The following KIAA1217 variants were observed in gnomAD, a reference collection of about 807,000 sequenced individuals.
The protein encoded by KIAA1217 is sickle tail protein homolog.
KIAA1217 carries 88 observed loss-of-function variants against 163.9 expected under a neutral mutation model. The ratio of observed to expected loss-of-function variants is 0.54; its 90% CI spans 0.45 to 0.64. KIAA1217 has a LOEUF of 0.64. Among genes scored for constraint, KIAA1217 ranks in the 30% least tolerant of loss-of-function variants. KIAA1217 has a pLI of 0.00. For missense variants in KIAA1217, 2,372 were observed against 2,475.0 expected (o/e 0.96, Z 0.88); for synonymous variants, 903 against 923.1 (o/e 0.98, Z 0.39).
At chr10:24,179,207 G>T (rs1376410429) in intron 2 of KIAA1217, among the ~76,000 whole-genome samples, 1 of 152,120 alleles carries the variant, frequency 6.6e-6, no homozygotes, top group Non-Finnish European at 1.5e-5. Context: ...CAAAGTAAAA[G>T]GCTTTTGGGC....
intron 3 of KIAA1217, among the ~76,000 whole-genome samples, chr10:24,391,245 A>C (rs909132568): frequency 6.6e-6 from 1 of 151,502 alleles, no homozygotes; most frequent in African/African-American, 2.4e-5. Context: ...AGGGACTTTC[A>C]GTGATCAGGG....
At chr10:23,765,367 G>A (rs980818593) in intron 1 of KIAA1217, among the ~76,000 whole-genome samples, 3 of 151,646 alleles carry the variant, frequency 2.0e-5, no homozygotes, top group African/African-American at 7.3e-5. Context: ...TAGAGACGGG[G>A]TTTCACCGTG....
At chr10:23,709,521 C>A (rs762439066) in intron 1 of KIAA1217, among the ~76,000 whole-genome samples, 1 of 151,294 alleles carries the variant, frequency 6.6e-6, no homozygotes, top group Non-Finnish European at 1.5e-5. Context: ...AAAGCAATAC[C>A]CTGTCTCCAA....
intron 14 of KIAA1217, among the ~76,000 whole-genome samples, chr10:24,529,110 A>C (rs2072699680): frequency 6.6e-6 from 1 of 152,192 alleles, no homozygotes; most frequent in Non-Finnish European, 1.5e-5. Context: ...ATTAATTTGG[A>C]AAGGAATCCC....
At chr10:23,748,680 G>T (rs1839560716) in intron 1 of KIAA1217, among the ~76,000 whole-genome samples, 1 of 151,968 alleles carries the variant, frequency 6.6e-6, no homozygotes, top group South Asian at 2.1e-4. Context: ...TCAGTAGTTG[G>T]GGTTGAGACC....
intron 1 of KIAA1217, among the ~76,000 whole-genome samples, chr10:23,696,251 G>A (rs1836030746): frequency 6.6e-6 from 1 of 152,216 alleles, no homozygotes; most frequent in Non-Finnish European, 1.5e-5. Context: ...GCCCTGCAGA[G>A]GGCAGGCGAG....
intron 2 of KIAA1217, chr10:24,275,889 C>A (rs1028170653): frequency 2.7e-5 from 12 of 438,220 alleles, no homozygotes; most frequent in Non-Finnish European, 2.8e-5. Context: ...GCCATCAGTT[C>A]TCCCTTCTGG....
chr10:23,853,837 A>G (rs1839496199), intron 1 of KIAA1217, among the ~76,000 whole-genome samples: 1 of 152,046 alleles, frequency 6.6e-6, no homozygotes, highest in East Asian at 1.9e-4. Flanking sequence ...GGTAGTTTGT[A>G]TTTCTGTGGG....
chr10:24,124,781 T>C (rs976082434), intron 2 of KIAA1217, among the ~76,000 whole-genome samples: 2 of 152,220 alleles, frequency 1.3e-5, no homozygotes, highest in African/African-American at 4.8e-5. Flanking sequence ...AAAACTCTAC[T>C]TGATCCCAGT....
intron 2 of KIAA1217, among the ~76,000 whole-genome samples, chr10:24,079,964 G>A (rs1252069601): frequency 1.3e-5 from 2 of 152,116 alleles, no homozygotes; most frequent in African/African-American, 4.8e-5. Flanking sequence ...TGGCTTACAG[G>A]GAGAAATAAA....
chr10:24,230,080 T>C (rs191469643), intron 2 of KIAA1217, among the ~76,000 whole-genome samples: 1 of 152,176 alleles, frequency 6.6e-6, no homozygotes, highest in Non-Finnish European at 1.5e-5. Context: ...AGAAAGCCAG[T>C]AACATGCTCA....
intron 5 of KIAA1217, among the ~76,000 whole-genome samples, chr10:24,465,999 G>A (rs910226673): frequency 3.9e-5 from 6 of 152,114 alleles, no homozygotes; most frequent in Non-Finnish European, 8.8e-5. Context: ...ACTGATTAAT[G>A]GCTGCTACCC....
At chr10:24,125,155 C>T (rs2063422126) in intron 2 of KIAA1217, among the ~76,000 whole-genome samples, 1 of 152,078 alleles carries the variant, frequency 6.6e-6, no homozygotes, top group African/African-American at 2.4e-5. Flanking sequence ...ACCTGTAGTC[C>T]AAGCTACTTG....
At chr10:23,703,931 A>T (rs1836661681) in intron 1 of KIAA1217, among the ~76,000 whole-genome samples, 1 of 150,986 alleles carries the variant, frequency 6.6e-6, no homozygotes, top group Non-Finnish European at 1.5e-5. Flanking sequence ...TGTATTGCCA[A>T]AGAGCAATAC....
intron 1 of KIAA1217, among the ~76,000 whole-genome samples, chr10:23,736,954 A>G (rs921840348): frequency 1.3e-5 from 2 of 152,218 alleles, no homozygotes; most frequent in African/African-American, 4.8e-5. Flanking sequence ...TCCATAAAAA[A>G]ACACTTCTGA....
intron 2 of KIAA1217, among the ~76,000 whole-genome samples, chr10:24,256,596 G>A (rs1190623116): frequency 6.6e-6 from 1 of 152,146 alleles, no homozygotes; most frequent in African/African-American, 2.4e-5. Flanking sequence ...AGGAGAAATT[G>A]TGATTTTCCT....
At chr10:24,160,094 C>A (rs1478861010) in intron 2 of KIAA1217, among the ~76,000 whole-genome samples, 1 of 152,136 alleles carries the variant, frequency 6.6e-6, no homozygotes, top group Admixed American at 6.5e-5. Flanking sequence ...TCTGTTAATT[C>A]CATGCTGTCT....
rs1364903732 is a variant in KIAA1217 at position 24,547,675 on chromosome 10, T to C, written c.*1351T>C. On this transcript the variant is annotated 3_prime_UTR_variant, in exon 21 of 21. Coordinates refer to ENST00000376454, the MANE Select transcript of KIAA1217 (RefSeq NM_019590.5). ...TTAATTGCAAGTGTGGTGCCTTGGA[T>C]GTGGCCTGTTGGCTCGCTTTCTTCT... 1 of 152,208 alleles carries C rather than the reference T, an allele frequency of 6.6e-6. No individual in the cohort carries two copies. The highest frequency in any genetic ancestry group is 1.5e-5 in the Non-Finnish European group (1 of 68,040). 9.4% of individuals were successfully genotyped at this position (152,208 alleles called of 1,614,324 possible).
In KIAA1217 at chr10:24,209,270, A is replaced by G. The variant is rs1259403455; in HGVS notation, c.70+7A>G. 1.9e-6 allele frequency: 3 copies of G among 1,610,394 alleles called. No homozygotes were observed. The highest frequency in any genetic ancestry group is 1.7e-4 in the Middle Eastern group (1 of 6,058). ...GACAGAAGACAGATGCAGGGTAAGT[A>G]ACAGACCCATTCAAAGATGGAGTTA... On this transcript the variant is annotated splice_region_variant and intron_variant, in intron 1 of 20. Coordinates refer to ENST00000376454, the MANE Select transcript of KIAA1217 (RefSeq NM_019590.5).
Sources: gnomAD v4.1 joint callset for allele counts (sites outside exome capture counted in the v4.1 genomes callset) on GRCh38, gnomAD v4.1.1 for gene constraint, MANE v1.5 for transcripts, NCBI Gene and HGNC (gene_info 2026-07-23, HGNC 2026-07-21) for gene names.